OSBPL10: variants seen among roughly 807,000 people sequenced by gnomAD.
The protein encoded by OSBPL10 is oxysterol-binding protein-related protein 10.
A neutral mutation model predicts 81.7 loss-of-function variants in OSBPL10; 49 were observed. That is an observed-to-expected ratio of 0.60 (90% CI 0.48 to 0.76). The LOEUF is 0.76. OSBPL10 is among the 30% of genes least tolerant of loss of function. The probability of loss-of-function intolerance (pLI) is 0.00; values close to 1 mark genes in which losing one functional copy is unlikely to be tolerated. For synonymous variants in OSBPL10, 419 were observed against 383.6 expected (o/e 1.09, Z -1.08); for missense variants, 923 against 987.8 (o/e 0.93, Z 0.88).
chr3:31,862,421 G>T (rs1701078505), intron 3 of OSBPL10, among the ~76,000 whole-genome samples: 1 of 152,128 alleles, frequency 6.6e-6, no homozygotes, highest in African/African-American at 2.4e-5. Flanking sequence ...TGAAATAAAA[G>T]ATGTCTGCGT....
At chr3:32,045,815 G>A (rs567502688) in intron 2 of OSBPL10, 2 of 152,250 alleles carry the variant, frequency 1.3e-5, no homozygotes, top group Non-Finnish European at 2.9e-5. Context: ...GGTGTGAGCA[G>A]ATGAAGCCTA....
intron 2 of OSBPL10, among the ~76,000 whole-genome samples, chr3:32,019,169 A>T (rs1699340564): frequency 6.6e-6 from 1 of 152,168 alleles, no homozygotes; most frequent in Non-Finnish European, 1.5e-5. Flanking sequence ...CCACAATTGG[A>T]GCTCTCCAAA....
chr3:31,719,599 C>A (rs924755610), intron 6 of OSBPL10, among the ~76,000 whole-genome samples: 1 of 152,104 alleles, frequency 6.6e-6, no homozygotes, highest in African/African-American at 2.4e-5. Flanking sequence ...ATAATAGCAA[C>A]CCTCACACAA....
rs141038833 is a variant in OSBPL10 at position 31,695,356 on chromosome 3, C to A, written c.1245+7003G>T. Among the ~76,000 whole-genome samples, 941 of 152,252 alleles carry A rather than the reference C, an allele frequency of 6.2e-3. 15 individuals carry two copies. The highest frequency in any genetic ancestry group is 0.021 in the African/African-American group (882 of 41,544). ...TGCCACCCATAATCTCAAGTTCAAGCATCCCTCTCTCTGCTATTGCCCCAT... is the reference window on the plus strand; with the variant it reads ...TGCCACCCATAATCTCAAGTTCAAGAATCCCTCTCTCTGCTATTGCCCCAT... On this transcript the variant is annotated intron_variant, in intron 7 of 11. Coordinates refer to ENST00000396556, the MANE Select transcript of OSBPL10 (RefSeq NM_017784.5).
At chr3:31,874,786 A>G (rs1258364659) in intron 3 of OSBPL10, among the ~76,000 whole-genome samples, 1 of 152,188 alleles carries the variant, frequency 6.6e-6, no homozygotes, top group Non-Finnish European at 1.5e-5. Context: ...GTAGAAGACA[A>G]TTTAGCAACG....
In OSBPL10 at chr3:31,960,349, C is replaced by G. The variant is rs560475407; in HGVS notation, c.281+20550G>C. The G allele has an allele frequency of 1.6e-4, 24 of 152,324 alleles. No individual in the cohort carries two copies. In the South Asian group the frequency reaches 5.0e-3, roughly 32 times the overall value. 9.4% of individuals were successfully genotyped at this position (152,324 alleles called of 1,614,324 possible). ...GACCCTCAGCTTCCCTCACCACGTT[C>G]AGTAATACAATGTGAAATGAAACAA... is the stretch of plus-strand genomic sequence containing the variant. On this transcript the variant is annotated intron_variant, in intron 1 of 11. Transcript: ENST00000396556.
intron 1 of OSBPL10, among the ~76,000 whole-genome samples, chr3:31,925,334 A>G (rs1697041019): frequency 6.6e-6 from 1 of 151,986 alleles, no homozygotes; most frequent in Non-Finnish European, 1.5e-5. Context: ...TCCTAACCTT[A>G]TCTCCAGCCA....
chr3:32,043,376 G>T (rs1699594128), intron 2 of OSBPL10, among the ~76,000 whole-genome samples: 1 of 152,022 alleles, frequency 6.6e-6, no homozygotes, highest in Non-Finnish European at 1.5e-5. Context: ...TCTTTTTCAA[G>T]GTGCACTGAT....
chr3:31,793,513 T>C (rs1699087773), intron 4 of OSBPL10, among the ~76,000 whole-genome samples: 1 of 152,238 alleles, frequency 6.6e-6, no homozygotes, highest in East Asian at 1.9e-4. Context: ...GCTGTGTAGG[T>C]TTAAGGAGGA....
At chr3:31,748,311 T>C (rs1219405029) in intron 4 of OSBPL10, among the ~76,000 whole-genome samples, 191 bp from the exon 5 acceptor site, 1 of 152,152 alleles carries the variant, frequency 6.6e-6, no homozygotes, top group Non-Finnish European at 1.5e-5. Context: ...CCAAAGGCAC[T>C]CTAATCAAAA....
At chr3:31,782,897 A>C (rs1698734457) in intron 4 of OSBPL10, among the ~76,000 whole-genome samples, 1 of 152,068 alleles carries the variant, frequency 6.6e-6, no homozygotes, top group Non-Finnish European at 1.5e-5. Context: ...TGAAGTACTA[A>C]AAGTAGATCT....
In OSBPL10 at chr3:31,966,153, A is replaced by ATGTCTG. The variant is rs1472350138; in HGVS notation, c.281+14745_281+14746insCAGACA. Among the ~76,000 whole-genome samples the ATGTCTG allele has an allele frequency of 2.5e-3, 343 of 134,896 alleles. 2 individuals are homozygous for ATGTCTG. The highest frequency in any genetic ancestry group is 8.9e-3 in the African/African-American group (325 of 36,632). 88.5% of individuals were successfully genotyped at this position (134,896 alleles called of 152,430 possible). ...CTACTACAACAACAACAACAAAATT[A>ATGTCTG]TGTGTGTGTGTGTGTGTGTGTGTGT... On this transcript the variant is annotated intron_variant, in intron 1 of 11. Transcript: ENST00000396556.
At chr3:31,897,557 G>C (rs1200340729) in intron 1 of OSBPL10, among the ~76,000 whole-genome samples, 3 of 152,070 alleles carry the variant, frequency 2.0e-5, no homozygotes, top group Non-Finnish European at 4.4e-5. Flanking sequence ...GTGCCAAACA[G>C]GTTAGATGAG....
At chr3:31,812,818 G>GAAAGAGAA (rs1223174164) in intron 4 of OSBPL10, among the ~76,000 whole-genome samples, 3 of 25,864 alleles carry the variant, frequency 1.2e-4, no homozygotes, top group East Asian at 1.6e-3. Flanking sequence ...AAGAAAGAAA[G>GAAAGAGAA]AGAAAGAAAG....
At chr3:31,810,688 T>C (rs943934803) in intron 4 of OSBPL10, among the ~76,000 whole-genome samples, 8 of 152,180 alleles carry the variant, frequency 5.3e-5, no homozygotes, top group African/African-American at 1.7e-4. Context: ...AAATACGAAG[T>C]GATGCTCAAT....
At chr3:31,847,740 T>C (rs933486476) in intron 3 of OSBPL10, among the ~76,000 whole-genome samples, 1 of 151,852 alleles carries the variant, frequency 6.6e-6, no homozygotes, top group Non-Finnish European at 1.5e-5. Context: ...GGAAAATTGG[T>C]TGCACAGAGG....
At chr3:31,827,313 A>C (rs11719647) in intron 4 of OSBPL10, among the ~76,000 whole-genome samples, 13 of 152,012 alleles carry the variant, frequency 8.6e-5, no homozygotes, top group African/African-American at 2.9e-4. Flanking sequence ...AAAGGAAAAA[A>C]AAAAGCATAC....
At chr3:31,719,608 A>G (rs1553617505) in intron 6 of OSBPL10, among the ~76,000 whole-genome samples, 1 of 152,212 alleles carries the variant, frequency 6.6e-6, no homozygotes, top group Non-Finnish European at 1.5e-5. Flanking sequence ...ACCCTCACAC[A>G]ATGCTGAGAA....
intron 2 of OSBPL10, among the ~76,000 whole-genome samples, chr3:32,028,989 C>CACACACACACACACACA (rs1575088502): frequency 2.1e-5 from 3 of 144,596 alleles, no homozygotes; most frequent in African/African-American, 2.6e-5. Context: ...CACACACACA[C>CACACACACACACACACA]CAGGAATGTT....
Sources: allele counts gnomAD v4.1 joint callset (sites outside exome capture counted in the v4.1 genomes callset), GRCh38; gene constraint gnomAD v4.1.1; transcripts MANE v1.5; gene names NCBI Gene and HGNC (gene_info 2026-07-23, HGNC 2026-07-21).